KLHL31: variants seen among roughly 807,000 people sequenced by gnomAD.
KLHL31 encodes the protein kelch like family member 31.
Under a neutral mutation model 47.1 loss-of-function variants are expected in KLHL31, and 32 were observed. The observed-to-expected ratio is 0.68, with a 90% CI of 0.51 to 0.91. The LOEUF is 0.91. Ranked by LOEUF, KLHL31 falls within the 40% of genes least tolerant of loss-of-function variation. The probability of loss-of-function intolerance (pLI) is 0.00; values close to 1 mark genes in which losing one functional copy is unlikely to be tolerated. For synonymous variants in KLHL31, 330 were observed against 325.1 expected (o/e 1.01, Z -0.16); for missense variants, 797 against 819.3 (o/e 0.97, Z 0.33).
chr6:53,651,789 C>T lies in KLHL31; in HGVS notation c.1714G>A (p.Gly572Ser). The change falls in exon 3 of 3, where the codon GGC becomes AGC. Residue 572 changes from glycine to serine, a missense_variant. Coordinates refer to ENST00000370905, the MANE Select transcript of KLHL31 (RefSeq NM_001003760.5). Reference sequence around the variant, plus strand: ...TACTTCTTCTCGCCCTCGTTCCAGCCCCCCACCAGGTAGGCGCGGCCATGC... The same window carrying T: ...TACTTCTTCTCGCCCTCGTTCCAGCTCCCCACCAGGTAGGCGCGGCCATGC... ...ALHGRAYLVG[G>S]WNEGEKKYKK... 2.5e-6 allele frequency: 4 copies of T among 1,613,662 alleles called. No homozygotes were observed. Among genetic ancestry groups the T allele is most frequent in the Non-Finnish European group, 3.4e-6 (4 of 1,180,038 alleles).
rs1487721636 is a variant in KLHL31 at position 53,651,327 on chromosome 6, C to A, written c.*271G>T. 3.0e-6 allele frequency: 1 copy of A among 331,318 alleles called. No homozygotes were observed. The highest frequency in any genetic ancestry group is 5.4e-6 in the Non-Finnish European group (1 of 184,868). 20.5% of individuals were successfully genotyped at this position (331,318 alleles called of 1,614,324 possible). A position where few individuals can be genotyped will look rare whatever the true frequency, so the allele number is the denominator to read the frequency against. ...TGCCGCCTTGGGAGAGTGCCTATAACGAATTCCGTCTGCCACCCAGTGGCC... is the reference window on the plus strand; with the variant it reads ...TGCCGCCTTGGGAGAGTGCCTATAAAGAATTCCGTCTGCCACCCAGTGGCC... On this transcript the variant is annotated 3_prime_UTR_variant, in exon 3 of 3. Coordinates refer to ENST00000370905, the MANE Select transcript of KLHL31 (RefSeq NM_001003760.5).
intron 1 of KLHL31, among the ~76,000 whole-genome samples, chr6:53,657,654 G>GTGTT (rs1491444765): frequency 7.1e-6 from 1 of 140,070 alleles, no homozygotes; most frequent in Admixed American, 7.1e-5. Flanking sequence ...GTGTGTGTGT[G>GTGTT]TTTTAAATCC....
chr6:53,654,062 A>G (rs1197295751), intron 2 of KLHL31, 39 bp downstream of exon 2: 13 of 1,505,544 alleles, frequency 8.6e-6, no homozygotes, highest in African/African-American at 1.4e-5. Context: ...TTTCCCTATA[A>G]TATTGAGCCA....
At chr6:53,653,881 G>A (rs754592790) in intron 2 of KLHL31, among the ~76,000 whole-genome samples, 40 of 152,002 alleles carry the variant, frequency 2.6e-4, no homozygotes, top group African/African-American at 7.0e-4. Flanking sequence ...TATCTTCCCC[G>A]CCCACCTCAC....
chr6:53,654,114 T>G lies in KLHL31; in HGVS notation c.1159A>C (p.Ser387Arg), dbSNP rs1764516852. ...AAGATCAAGTACCTGCAGAAATTGC[T>G]GACTGCATGCTTGGCTTGATTTCTT... ...DARNQAKHAVSNFCRYDPRFN... is the reference protein window; with the variant it reads ...DARNQAKHAVRNFCRYDPRFN... Residue 387 changes from serine to arginine, a missense_variant, in exon 2 of 3, where the codon AGC becomes CGC. Ser to Arg is a moderately radical substitution (Grantham distance 110, BLOSUM62 -1). Transcript: ENST00000370905. 1 of 1,601,696 alleles carries G rather than the reference T, an allele frequency of 6.2e-7. No individual in the cohort carries two copies. Among genetic ancestry groups the G allele is most frequent in the African/African-American group, 1.3e-5 (1 of 74,606 alleles).
chr6:53,655,018 A>G lies in KLHL31; in HGVS notation c.255T>C (p.Asp85=), dbSNP rs1268575764. Residue 85 remains aspartate, a synonymous_variant, in exon 2 of 3, where the codon GAT becomes GAC. Transcript: ENST00000370905. The part of the protein sequence containing the change: ...LVIGTKTKSF[D]VHKSVMASCS... ...ATGAAGCCATGACTGACTTATGAACATCAAAGGATTTGGTTTTGGTACCAA... is the reference window on the plus strand; with the variant it reads ...ATGAAGCCATGACTGACTTATGAACGTCAAAGGATTTGGTTTTGGTACCAA... 6.2e-7 allele frequency: 1 copy of G among 1,614,120 alleles called. No individual in the cohort carries two copies. The highest frequency in any genetic ancestry group is 8.5e-7 in the Non-Finnish European group (1 of 1,180,052).
At chr6:53,660,118 A>G (rs56063759) in intron 1 of KLHL31, among the ~76,000 whole-genome samples, 2,305 of 152,198 alleles carry the variant, frequency 0.015, 30 homozygotes, top group Non-Finnish European at 0.024. Flanking sequence ...CCGGATATGC[A>G]TGGTTTCTGT....
intron 1 of KLHL31, among the ~76,000 whole-genome samples, chr6:53,657,283 T>C (rs1389738704): frequency 6.6e-6 from 1 of 152,152 alleles, no homozygotes; most frequent in Non-Finnish European, 1.5e-5. Context: ...TCATGACTGA[T>C]TTCAAGCTAT....
intron 1 of KLHL31, among the ~76,000 whole-genome samples, chr6:53,657,651 TGTG>T (rs1764583290): frequency 6.6e-6 from 1 of 151,234 alleles, no homozygotes; most frequent in Non-Finnish European, 1.5e-5. Flanking sequence ...TGTGTGTGTG[TGTG>T]TTTTAAATCC....
intron 2 of KLHL31, among the ~76,000 whole-genome samples, chr6:53,652,688 G>A (rs1764495073): frequency 6.6e-6 from 1 of 152,142 alleles, no homozygotes; most frequent in Non-Finnish European, 1.5e-5. Context: ...ATGTGCACAT[G>A]GGGGAGGCTG....
intron 1 of KLHL31, among the ~76,000 whole-genome samples, chr6:53,659,712 G>A (rs1347974293): frequency 6.6e-6 from 1 of 152,094 alleles, no homozygotes; most frequent in Non-Finnish European, 1.5e-5. Context: ...GGTAATATTC[G>A]GTCAATACAT....
chr6:53,657,828 G>C (rs1764586604), intron 1 of KLHL31, among the ~76,000 whole-genome samples: 1 of 152,138 alleles, frequency 6.6e-6, no homozygotes, highest in South Asian at 2.1e-4. Context: ...GCAGAAAATA[G>C]AGATGGTCTA....
intron 1 of KLHL31, among the ~76,000 whole-genome samples, chr6:53,657,530 G>A (rs1048219462): frequency 2.0e-5 from 3 of 151,842 alleles, no homozygotes; most frequent in Non-Finnish European, 4.4e-5. Context: ...CATAGTAAGG[G>A]TATATCATAC....
chr6:53,658,983 G>T (rs975452155), intron 1 of KLHL31, among the ~76,000 whole-genome samples: 4 of 152,310 alleles, frequency 2.6e-5, no homozygotes, highest in African/African-American at 9.6e-5. Flanking sequence ...CTGCCTCTAG[G>T]TTTGTCAGTG....
At chr6:53,659,354 AT>A (rs1476983808) in intron 1 of KLHL31, among the ~76,000 whole-genome samples, 3 of 152,238 alleles carry the variant, frequency 2.0e-5, no homozygotes, top group Admixed American at 2.0e-4. Flanking sequence ...GAAACAGATT[AT>A]TTTTATTTTG....
At chr6:53,657,166 T>C (rs1764574018) in intron 1 of KLHL31, among the ~76,000 whole-genome samples, 1 of 152,108 alleles carries the variant, frequency 6.6e-6, no homozygotes, top group African/African-American at 2.4e-5. Flanking sequence ...CTCAAACTCC[T>C]GGGCTCAAGC....
chr6:53,651,839 A>C lies in KLHL31; in HGVS notation c.1664T>G (p.Val555Gly), dbSNP rs1053390413. ...CAGCGCCGAGACGCCCGCAGTGCTC[A>C]CTCCCACCTGCAGCGGCGCCGCGTA... ...WSYAAPLQVG[V>G]STAGVSALHG... is the part of the protein sequence containing the mutation. Residue 555 changes from valine to glycine, a missense_variant, in exon 3 of 3, where the codon GTG becomes GGG. Transcript: ENST00000370905. The C allele has an allele frequency of 6.2e-7, 1 of 1,608,494 alleles. No homozygotes were observed. Among genetic ancestry groups the C allele is most frequent in the East Asian group, 2.2e-5 (1 of 44,860 alleles).
intron 1 of KLHL31, among the ~76,000 whole-genome samples, chr6:53,656,158 T>C (rs950939951): frequency 6.6e-6 from 1 of 152,202 alleles, no homozygotes; most frequent in African/African-American, 2.4e-5. Context: ...ATATAAGTAC[T>C]ATAGGATTTT....
In KLHL31 at chr6:53,654,081, C is replaced by T. The variant is rs748943306; in HGVS notation, c.1172+20G>A. 17 of 1,566,040 alleles carry T rather than the reference C, an allele frequency of 1.1e-5. 1 individual carries two copies. In the South Asian group the frequency reaches 2.0e-4, roughly 18 times the overall value. ...CCTATAATATTGAGCCATTTCAGTT[C>T]CTAATAAAAGATCAAGTACCTGCAG... On this transcript the variant is annotated intron_variant, in intron 2 of 2. Coordinates refer to ENST00000370905, the MANE Select transcript of KLHL31 (RefSeq NM_001003760.5).
Sources: gnomAD v4.1 joint callset for allele counts (sites outside exome capture counted in the v4.1 genomes callset) on GRCh38, gnomAD v4.1.1 for gene constraint, MANE v1.5 for transcripts, NCBI Gene and HGNC (gene_info 2026-07-23, HGNC 2026-07-21) for gene names.